FAM118A: variants seen among roughly 807,000 people sequenced by gnomAD.
The protein encoded by FAM118A is SIR2 antiphage like 2.
FAM118A carries 25 observed loss-of-function variants against 38.2 expected under a neutral mutation model. The ratio of observed to expected loss-of-function variants is 0.65; its 90% CI spans 0.48 to 0.91. The LOEUF (loss-of-function observed/expected upper bound fraction) is 0.91, where lower values mean the gene tolerates loss of function less well. FAM118A is among the 40% of genes least tolerant of loss of function. FAM118A has a pLI of 0.00. For missense variants in FAM118A, 425 were observed against 463.3 expected (o/e 0.92, Z 0.76); for synonymous variants, 178 against 184.1 (o/e 0.97, Z 0.27).
chr22:45,333,122 C>A (rs1432178040), intron 6 of FAM118A, among the ~76,000 whole-genome samples: 2 of 152,160 alleles, frequency 1.3e-5, no homozygotes, highest in African/African-American at 4.8e-5. Context: ...AACCCACATA[C>A]CCCTAAAATT....
At chr22:45,340,039 G>T (rs1012316524) in intron 8 of FAM118A, among the ~76,000 whole-genome samples, 2 of 152,192 alleles carry the variant, frequency 1.3e-5, no homozygotes, top group East Asian at 3.8e-4. Flanking sequence ...CAGAGGAATC[G>T]ACAGGCTTAT....
Position 45,338,686 on chromosome 22 carries a change from A to G in FAM118A, c.1055-1700A>G, listed in dbSNP as rs565574150. On this transcript the variant is annotated intron_variant, in intron 8 of 8. Transcript: ENST00000441876. ...AATAGGAGTTTATATTTAGTACTTT[A>G]TATAAGTAAGCCAAAGTAAAACACT... is the stretch of plus-strand genomic sequence containing the variant. Among the ~76,000 whole-genome samples the G allele has an allele frequency of 2.6e-5, 4 of 152,344 alleles. No homozygotes were observed. In the South Asian group the frequency reaches 8.3e-4, roughly 32 times the overall value.
At position 45,328,584 on chromosome 22, in the gene FAM118A, A is replaced by G. The variant is rs571416671; in HGVS notation, c.522+521A>G. 9.2e-6 allele frequency: 6 copies of G among 655,618 alleles called. No individual in the cohort carries two copies. In the South Asian group the frequency reaches 9.9e-5, roughly 11 times the overall value. The allele number at this position is 655,618 out of a possible 1,614,324, so 40.6% of individuals were successfully genotyped here. ...GAGTTCCAGACTGAAATGAGCTATG[A>G]TCATGCCACTTATTCCAGCCTGGGT... On this transcript the variant is annotated intron_variant, in intron 4 of 8. Transcript: ENST00000441876.
chr22:45,309,066 T>C (rs1467484590), upstream of FAM118A: 1 of 152,196 alleles, frequency 6.6e-6, no homozygotes, highest in Non-Finnish European at 1.5e-5. Flanking sequence ...ATCTCAGTCC[T>C]CGCAATACCC....
intron 8 of FAM118A, among the ~76,000 whole-genome samples, chr22:45,338,592 G>A (rs2086262222): frequency 6.6e-6 from 1 of 152,174 alleles, no homozygotes; most frequent in Non-Finnish European, 1.5e-5. Flanking sequence ...GAGAACTCTG[G>A]AGACAGAAGT....
At chr22:45,323,112 G>T (rs2084999020) in intron 2 of FAM118A, 63 bp from the exon 3 acceptor site, 1 of 1,586,900 alleles carries the variant, frequency 6.3e-7, no homozygotes, top group African/African-American at 1.3e-5. Flanking sequence ...GACAGTTCCA[G>T]ACTTTGTGTT....
At chr22:45,315,886 A>C (rs1175446627) in intron 1 of FAM118A, among the ~76,000 whole-genome samples, 3 of 152,142 alleles carry the variant, frequency 2.0e-5, no homozygotes, top group African/African-American at 7.2e-5. Context: ...GCAGTTCCAG[A>C]AGCTTAATTT....
rs747052923 is a variant in FAM118A at position 45,323,451 on chromosome 22, T to C, written c.300+24T>C. On this transcript the variant is annotated intron_variant, in intron 3 of 8. Transcript: ENST00000441876. ...CTGTAAGTGTCAGACAAGTACCTCT[T>C]GGGGACAGCTTGGTTCTGCAGCAGG... The C allele has an allele frequency of 2.5e-6, 4 of 1,604,246 alleles. No homozygotes were observed. In the South Asian group the frequency reaches 3.3e-5, roughly 13 times the overall value.
chr22:45,323,305 A>G lies in FAM118A; in HGVS notation c.178A>G (p.Ile60Val), dbSNP rs2085015769. The change falls in exon 3 of 9, where the codon ATC becomes GTC. Residue 60 changes from isoleucine to valine, a missense_variant. Coordinates refer to ENST00000441876, the MANE Select transcript of FAM118A (RefSeq NM_017911.4). ...GTGGAGAAGCTGCATCGAGGCCGTC[A>G]TCGAGGCTGCAGAGCAGCTGGAGGT... is the stretch of plus-strand genomic sequence containing the variant. ...CSWRSCIEAV[I>V]EAAEQLEVLH... is the part of the protein sequence containing the mutation. The G allele has an allele frequency of 6.2e-7, 1 of 1,614,082 alleles. No individual in the cohort carries two copies. The highest frequency in any genetic ancestry group is 1.1e-5 in the South Asian group (1 of 91,090).
intron 6 of FAM118A, 140 bp downstream of exon 6, chr22:45,332,850 G>A: frequency 1.2e-6 from 1 of 861,308 alleles, no homozygotes; most frequent in Non-Finnish European, 1.7e-6. Flanking sequence ...AGGTTCAAGG[G>A]ATTCTGCCTC....
In FAM118A at chr22:45,330,669, C is replaced by A; in HGVS notation, c.589C>A (p.Pro197Thr). The change falls in exon 5 of 9, where the codon CCC becomes ACC. Residue 197 changes from proline to threonine, a missense_variant. Transcript: ENST00000441876. ...CCACATTCACGGCCTCTACACGGAC[C>A]CCTGCGGGGTGGTGCTGGACCCATC... ...VLHIHGLYTD[P>T]CGVVLDPSGY... The A allele has an allele frequency of 1.2e-6, 2 of 1,604,612 alleles. No homozygotes were observed. Among genetic ancestry groups the A allele is most frequent in the Non-Finnish European group, 1.7e-6 (2 of 1,176,672 alleles).
chr22:45,332,478 G>A lies in FAM118A; in HGVS notation c.705G>A (p.Gly235=). 6.2e-7 allele frequency: 1 copy of A among 1,614,154 alleles called. No homozygotes were observed. Among genetic ancestry groups the A allele is most frequent in the African/African-American group, 1.3e-5 (1 of 75,030 alleles). The part of the protein sequence containing the change: ...RTKSFLFVGC[G]ETLRDQIFQA... ...AGTCCTTTCTGTTTGTGGGCTGTGG[G>A]GAGACCCTTCGTGATCAGATATTCC... The change falls in exon 6 of 9, where the codon GGG becomes GGA. Residue 235 remains glycine, a synonymous_variant. Coordinates refer to ENST00000441876, the MANE Select transcript of FAM118A (RefSeq NM_017911.4).
chr22:45,330,442 G>C (rs939479598), intron 4 of FAM118A, 161 bp from the exon 5 acceptor site: 2 of 750,584 alleles, frequency 2.7e-6, no homozygotes, highest in Admixed American at 8.1e-5. Context: ...TCACAACCAA[G>C]TTTCTCTTAG....
intron 2 of FAM118A, among the ~76,000 whole-genome samples, chr22:45,322,784 C>T (rs1235337699): frequency 6.6e-6 from 1 of 152,160 alleles, no homozygotes; most frequent in African/African-American, 2.4e-5. Flanking sequence ...TGGTGGGTGG[C>T]AGGAAACCAG....
intron 8 of FAM118A, 76 bp downstream of exon 8, chr22:45,336,487 C>T (rs1453765817): frequency 3.5e-6 from 4 of 1,128,630 alleles, no homozygotes; most frequent in East Asian, 4.9e-5. Flanking sequence ...GACCGTGCTG[C>T]GCTTTAATGC....
chr22:45,322,403 A>G lies in FAM118A; in HGVS notation c.24A>G (p.Thr8=). 1 of 1,611,110 alleles carries G rather than the reference A, an allele frequency of 6.2e-7. No homozygotes were observed. Among genetic ancestry groups the G allele is most frequent in the Non-Finnish European group, 8.5e-7 (1 of 1,179,312 alleles). ...AGATGGATTCAGTGGAAAAGACAAC[A>G]AATAGAAGTGAACAAAAATCCAGGT... is the stretch of plus-strand genomic sequence containing the variant. MDSVEKT[T]NRSEQKSRKF... Residue 8 remains threonine (T), a synonymous_variant, in exon 2 of 9, where the codon ACA becomes ACG. Transcript: ENST00000441876.
chr22:45,322,013 G>T, intron 1 of FAM118A: 1 of 364,728 alleles, frequency 2.7e-6, no homozygotes, highest in Non-Finnish European at 5.3e-6. Context: ...TAAGTCATCT[G>T]TGTTCATGTG....
chr22:45,320,213 C>G (rs1169397804), intron 1 of FAM118A, among the ~76,000 whole-genome samples: 1 of 151,912 alleles, frequency 6.6e-6, no homozygotes, highest in Non-Finnish European at 1.5e-5. Flanking sequence ...GCCTGTAATC[C>G]CAGCACTTTG....
intron 4 of FAM118A, chr22:45,328,818 G>A (rs939254775): frequency 8.5e-5 from 19 of 223,504 alleles, no homozygotes; most frequent in Admixed American, 1.6e-4. Flanking sequence ...CTGAGACTGG[G>A]TAATATATAA....
Sources: allele counts gnomAD v4.1 joint callset (sites outside exome capture counted in the v4.1 genomes callset), GRCh38; gene constraint gnomAD v4.1.1; transcripts MANE v1.5; gene names NCBI Gene and HGNC (gene_info 2026-07-23, HGNC 2026-07-21).